PPP2R1B: variants seen among roughly 807,000 people sequenced by gnomAD.
The protein encoded by PPP2R1B is serine/threonine-protein phosphatase 2A 65 kDa regulatory subunit A beta isoform.
A neutral mutation model predicts 72.7 loss-of-function variants in PPP2R1B; 58 were observed. That is an observed-to-expected ratio of 0.80 (90% CI 0.65 to 0.99). PPP2R1B has a LOEUF of 0.99. Among genes scored for constraint, PPP2R1B ranks in the 50% least tolerant of loss-of-function variants. PPP2R1B has a pLI of 0.00. For missense variants in PPP2R1B, 695 were observed against 733.6 expected, an observed-to-expected ratio of 0.95 and a Z score of 0.61; for synonymous variants, 256 against 264.6, an observed-to-expected ratio of 0.97 and a Z score of 0.32.
chr11:111,692,372 A>C, the PPP2R1B span, among the ~76,000 whole-genome samples: 2 of 138,662 alleles, frequency 1.4e-5, no homozygotes, highest in South Asian at 2.2e-4. Flanking sequence ...AAAAAAAAAA[A>C]AAAAAAAAAA....
chr11:111,708,853 G>A, the PPP2R1B span, among the ~76,000 whole-genome samples: 2 of 152,156 alleles, frequency 1.3e-5, no homozygotes, highest in Non-Finnish European at 2.9e-5. Flanking sequence ...CTCCCAAAGT[G>A]TCGGGATTGC....
chr11:111,766,023 G>A, intron 1 of PPP2R1B: 2 of 591,634 alleles, frequency 3.4e-6, no homozygotes, highest in South Asian at 1.8e-5. Context: ...GGCTCCGGGC[G>A]GACGCCTCAG....
In PPP2R1B at chr11:111,738,350, T is replaced by G; in HGVS notation, c.*3246A>C. The G allele has an allele frequency of 1.0e-6, 1 of 985,546 alleles. No homozygotes were observed. Among genetic ancestry groups the G allele is most frequent in the Non-Finnish European group, 1.2e-6 (1 of 829,990 alleles). The allele number at this position is 985,546 out of a possible 1,614,324, so 61.1% of individuals were successfully genotyped here. On this transcript the variant is annotated 3_prime_UTR_variant, in exon 15 of 15. Transcript: ENST00000527614. ...GGACAGAACAAGCACCTGACCTGTT[T>G]GGCCACCCTGCCCTGCCATCGCCAC... is the stretch of plus-strand genomic sequence containing the variant.
At chr11:111,765,181 A>G in intron 2 of PPP2R1B, 113 bp downstream of exon 2, 2 of 1,178,436 alleles carry the variant, frequency 1.7e-6, no homozygotes, top group South Asian at 2.9e-5. Context: ...TTTCTTTTGC[A>G]CAAAAAACAC....
intron 15 of PPP2R1B, among the ~76,000 whole-genome samples, chr11:111,732,044 G>C (rs1319454416): frequency 2.0e-5 from 3 of 152,208 alleles, no homozygotes; most frequent in Non-Finnish European, 4.4e-5. Flanking sequence ...AGCAGGGTGG[G>C]GAAGGAGAGC....
At chr11:111,716,978 T>A in the PPP2R1B span, among the ~76,000 whole-genome samples, 2 of 151,920 alleles carry the variant, frequency 1.3e-5, no homozygotes, top group African/African-American at 4.8e-5. Context: ...GAACAGACAC[T>A]TCTGAAAAGA....
At chr11:111,754,288 T>A (rs1183131900) in intron 8 of PPP2R1B, among the ~76,000 whole-genome samples, 3 of 152,224 alleles carry the variant, frequency 2.0e-5, no homozygotes, top group Non-Finnish European at 2.9e-5. Flanking sequence ...ACTTGTTAGG[T>A]AACATAAACC....
the PPP2R1B span, among the ~76,000 whole-genome samples, chr11:111,692,953 T>A: frequency 6.6e-6 from 1 of 152,130 alleles, no homozygotes; most frequent in Non-Finnish European, 1.5e-5. Context: ...CAAAATGGAA[T>A]AGAAGTATCA....
intron 15 of PPP2R1B, among the ~76,000 whole-genome samples, chr11:111,732,338 G>A (rs977598564): frequency 2.0e-5 from 3 of 152,146 alleles, no homozygotes; most frequent in African/African-American, 4.8e-5. Flanking sequence ...CTGGGCCCCC[G>A]AGGCCCCCCT....
chr11:111,696,160 G>GA, the PPP2R1B span, among the ~76,000 whole-genome samples: 3 of 152,174 alleles, frequency 2.0e-5, no homozygotes, highest in African/African-American at 7.2e-5. Flanking sequence ...AGGCCATATA[G>GA]AACCCAGGTG....
chr11:111,739,474 C>A lies in PPP2R1B; in HGVS notation c.*2122G>T, dbSNP rs1394598624. The A allele has an allele frequency of 1.0e-6, 1 of 985,240 alleles. No individual in the cohort carries two copies. The highest frequency in any genetic ancestry group is 1.1e-4 in the East Asian group (1 of 8,830). The allele number at this position is 985,240 out of a possible 1,614,324, so 61.0% of individuals were successfully genotyped here. On this transcript the variant is annotated 3_prime_UTR_variant, in exon 15 of 15. Coordinates refer to ENST00000527614, the MANE Select transcript of PPP2R1B (RefSeq NM_002716.5). ...CTTAAGTCAGAAGGAAACAATGAAACCCCTGAGGGGTCACCACAAAAGACA... is the reference window on the plus strand; with the variant it reads ...CTTAAGTCAGAAGGAAACAATGAAAACCCTGAGGGGTCACCACAAAAGACA...
At chr11:111,719,706 GT>G in the PPP2R1B span, 2 of 1,486,368 alleles carry the variant, frequency 1.3e-6, no homozygotes, top group South Asian at 1.2e-5. Context: ...GTCTTGACAT[GT>G]TTTCCTTTGT....
At chr11:111,697,751 GGTGCT>G in the PPP2R1B span, among the ~76,000 whole-genome samples, 1 of 152,116 alleles carries the variant, frequency 6.6e-6, no homozygotes, top group Non-Finnish European at 1.5e-5. Flanking sequence ...CAGCACTTTG[GGTGCT>G]GAGGCAGGAG....
At chr11:111,742,385 G>A in intron 13 of PPP2R1B, 138 bp downstream of exon 13, 2 of 1,003,142 alleles carry the variant, frequency 2.0e-6, no homozygotes, top group South Asian at 1.9e-5. Flanking sequence ...AAAAATAGTT[G>A]CTAAATTATT....
At chr11:111,762,195 T>A (rs936013893) in intron 3 of PPP2R1B, among the ~76,000 whole-genome samples, 3 of 152,144 alleles carry the variant, frequency 2.0e-5, no homozygotes, top group Non-Finnish European at 4.4e-5. Flanking sequence ...AAAACCCACA[T>A]ATAGAACTAA....
At chr11:111,723,229 CCTCTCATTGTAT>C (rs1479357434), downstream of PPP2R1B, among the ~76,000 whole-genome samples, 1 of 152,154 alleles carries the variant, frequency 6.6e-6, no homozygotes, top group Non-Finnish European at 1.5e-5. Context: ...GGGAAATCAT[CCTCTCATTGTAT>C]AAAGGAAAAA....
chr11:111,730,146 CTG>C (rs1222940394), intron 15 of PPP2R1B: 1 of 152,234 alleles, frequency 6.6e-6, no homozygotes, highest in African/African-American at 2.4e-5. Flanking sequence ...ACTTAATACT[CTG>C]TCTTTTCAGA....
At chr11:111,715,373 C>T in the PPP2R1B span, among the ~76,000 whole-genome samples, 2 of 152,204 alleles carry the variant, frequency 1.3e-5, no homozygotes, top group Admixed American at 1.3e-4. Context: ...GCCTCATGTG[C>T]ATTTACTGTA....
chr11:111,761,931 G>A (rs187834750), intron 3 of PPP2R1B, among the ~76,000 whole-genome samples: 5 of 152,278 alleles, frequency 3.3e-5, no homozygotes, highest in Admixed American at 2.0e-4. Flanking sequence ...CTGTACTTGA[G>A]CCTGGGTGAC....
Sources: gnomAD v4.1 joint callset for allele counts (sites outside exome capture counted in the v4.1 genomes callset) on GRCh38, gnomAD v4.1.1 for gene constraint, MANE v1.5 for transcripts, NCBI Gene and HGNC (gene_info 2026-07-23, HGNC 2026-07-21) for gene names.